The following NRXN3 variants were observed in gnomAD, a reference collection of about 807,000 sequenced individuals.
The protein encoded by NRXN3 is neurexin 3, also known as neurexin III.
A neutral mutation model predicts 137.6 loss-of-function variants in NRXN3; 32 were observed. The observed-to-expected ratio is 0.23, with a 90% CI of 0.18 to 0.31. The LOEUF is 0.31. Among genes scored for constraint, NRXN3 ranks in the 10% least tolerant of loss-of-function variants. The pLI, the probability that NRXN3 is intolerant of heterozygous loss-of-function variation, is 1.00. For synonymous variants in NRXN3, 798 were observed against 784.5 expected, an observed-to-expected ratio of 1.02 and a Z score of -0.29; for missense variants, 1,574 against 2,062.5, an observed-to-expected ratio of 0.76 and a Z score of 4.59.
chr14:78,975,825 A>G (rs1255881358), intron 14 of NRXN3, among the ~76,000 whole-genome samples: 3 of 152,200 alleles, frequency 2.0e-5, no homozygotes, highest in African/African-American at 7.2e-5. Flanking sequence ...TTAGTAGCAC[A>G]TGTATTTTCA....
At chr14:78,395,804 T>G (rs1057096210) in intron 4 of NRXN3, among the ~76,000 whole-genome samples, 5 of 152,054 alleles carry the variant, frequency 3.3e-5, no homozygotes, top group Non-Finnish European at 7.4e-5. Flanking sequence ...ATAGAGCCAT[T>G]CCTGATTTCT....
intron 4 of NRXN3, among the ~76,000 whole-genome samples, chr14:78,528,384 C>G (rs1176979946): frequency 1.3e-5 from 2 of 152,144 alleles, no homozygotes; most frequent in African/African-American, 4.8e-5. Flanking sequence ...CATCTCCACA[C>G]TCCTGATTAA....
intron 15 of NRXN3, among the ~76,000 whole-genome samples, chr14:79,437,010 C>G (rs1240777295): frequency 6.6e-6 from 1 of 152,088 alleles, no homozygotes; most frequent in Non-Finnish European, 1.5e-5. Flanking sequence ...GTGTAAAAAC[C>G]TTTTAGTGTT....
At chr14:78,501,112 A>G (rs371739987) in intron 4 of NRXN3, among the ~76,000 whole-genome samples, 2 of 152,164 alleles carry the variant, frequency 1.3e-5, no homozygotes, top group African/African-American at 2.4e-5. Context: ...TTAGTTATCT[A>G]TGGCTGCATA....
intron 4 of NRXN3, among the ~76,000 whole-genome samples, chr14:78,537,114 A>G (rs2096543696): frequency 6.6e-6 from 1 of 152,218 alleles, no homozygotes. Flanking sequence ...TCCTTTGGGT[A>G]TATACCCAGT....
At chr14:79,409,695 G>A (rs556393550) in intron 15 of NRXN3, among the ~76,000 whole-genome samples, 208 of 145,868 alleles carry the variant, frequency 1.4e-3, no homozygotes, top group Middle Eastern at 3.8e-3. Context: ...ATTACATAAA[G>A]ACCCATATGA....
chr14:78,334,249 G>A (rs2153573977), intron 4 of NRXN3, among the ~76,000 whole-genome samples: 1 of 152,232 alleles, frequency 6.6e-6, no homozygotes, highest in Non-Finnish European at 1.5e-5. Context: ...AGGGGAGAGG[G>A]TCAGGCTGGA....
chr14:78,959,168 A>G (rs1218331277), intron 11 of NRXN3, among the ~76,000 whole-genome samples: 1 of 152,128 alleles, frequency 6.6e-6, no homozygotes, highest in East Asian at 1.9e-4. Flanking sequence ...TGTGTAGAGA[A>G]GGATAGCCTG....
intron 10 of NRXN3, among the ~76,000 whole-genome samples, chr14:78,922,335 G>T (rs1420901121): frequency 6.6e-6 from 1 of 152,116 alleles, no homozygotes; most frequent in African/African-American, 2.4e-5. Context: ...ATATAATTAG[G>T]TATAGAATAT....
intron 8 of NRXN3, among the ~76,000 whole-genome samples, chr14:78,791,452 A>G (rs1272751595): frequency 2.0e-5 from 3 of 152,162 alleles, no homozygotes; most frequent in Non-Finnish European, 4.4e-5. Flanking sequence ...GTCAAGCATG[A>G]TGAGCCTGCT....
chr14:78,892,168 A>G (rs1337217652), intron 10 of NRXN3, among the ~76,000 whole-genome samples: 1 of 152,008 alleles, frequency 6.6e-6, no homozygotes, highest in Non-Finnish European at 1.5e-5. Flanking sequence ...AAAGTCCTCC[A>G]GGGAACTCTG....
chr14:79,078,669 T>C (rs760533659), intron 15 of NRXN3, among the ~76,000 whole-genome samples: 7 of 152,220 alleles, frequency 4.6e-5, no homozygotes, highest in African/African-American at 7.2e-5. Flanking sequence ...ATGTGATATA[T>C]AGTTGTGTGA....
intron 1 of NRXN3, among the ~76,000 whole-genome samples, chr14:78,202,035 T>C (rs1171321799): frequency 6.6e-6 from 1 of 152,176 alleles, no homozygotes; most frequent in Non-Finnish European, 1.5e-5. Flanking sequence ...GGTGGCTGGT[T>C]CAGGTGCAGC....
intron 15 of NRXN3, among the ~76,000 whole-genome samples, chr14:79,168,213 GCA>G (rs930795201): frequency 6.6e-5 from 10 of 151,948 alleles, no homozygotes; most frequent in African/African-American, 9.7e-5. Context: ...AAATCTATTG[GCA>G]GGGGATAATA....
intron 16 of NRXN3, among the ~76,000 whole-genome samples, chr14:79,495,531 T>C (rs1484123840): frequency 6.6e-6 from 1 of 152,172 alleles, no homozygotes; most frequent in African/African-American, 2.4e-5. Context: ...TTAAAGTATG[T>C]AAATTCAGGG....
At chr14:79,358,162 G>A (rs1263061613) in intron 15 of NRXN3, among the ~76,000 whole-genome samples, 1 of 152,120 alleles carries the variant, frequency 6.6e-6, no homozygotes, top group Non-Finnish European at 1.5e-5. Context: ...TCTCCTGCAG[G>A]CTAAGCCTTG....
At chr14:78,254,678 CA>C (rs36116506) in intron 2 of NRXN3, among the ~76,000 whole-genome samples, 153 of 122,100 alleles carry the variant, frequency 1.3e-3, no homozygotes, top group African/African-American at 2.1e-3. Flanking sequence ...ACTCCATCTC[CA>C]AAAAAAAAAA....
chr14:78,627,632 G>T (rs1306265726), intron 4 of NRXN3, among the ~76,000 whole-genome samples: 1 of 152,164 alleles, frequency 6.6e-6, no homozygotes, highest in African/African-American at 2.4e-5. Context: ...GTTGTCCCCT[G>T]TTAATATATC....
intron 10 of NRXN3, among the ~76,000 whole-genome samples, chr14:78,845,244 C>A (rs1469225893): frequency 6.6e-6 from 1 of 152,026 alleles, no homozygotes; most frequent in Non-Finnish European, 1.5e-5. Flanking sequence ...AATATGACTT[C>A]AAATATGATA....
Sources: gnomAD v4.1 joint callset for allele counts (sites outside exome capture counted in the v4.1 genomes callset) on GRCh38, gnomAD v4.1.1 for gene constraint, MANE v1.5 for transcripts, NCBI Gene and HGNC (gene_info 2026-07-23, HGNC 2026-07-21) for gene names.